SPTBN5: variants seen among roughly 807,000 people sequenced by gnomAD.
The protein encoded by SPTBN5 is spectrin beta, non-erythrocytic 5.
A neutral mutation model predicts 477.6 loss-of-function variants in SPTBN5; 513 were observed. That is an observed-to-expected ratio of 1.07 (90% CI 1.00 to 1.16). The LOEUF (loss-of-function observed/expected upper bound fraction) is 1.16. Among genes scored for constraint, SPTBN5 ranks in the 50% most tolerant of loss-of-function variants. SPTBN5 has a pLI of 0.00. For synonymous variants in SPTBN5, 2,169 were observed against 2,011.7 expected (o/e 1.08, Z -2.09); for missense variants, 5,062 against 4,731.8 (o/e 1.07, Z -2.05).
rs1292727112 is a variant in SPTBN5 at position 41,882,683 on chromosome 15, C to T, written c.1948G>A (p.Glu650Lys). The T allele has an allele frequency of 6.2e-7, 1 of 1,609,244 alleles. No individual in the cohort carries two copies. Residue 650 changes from glutamate (E) to lysine (K), a missense_variant, in exon 10 of 68, where the codon GAG becomes AAG. Coordinates refer to ENST00000320955, the MANE Select transcript of SPTBN5 (RefSeq NM_016642.4). ...CACTCCTTCAGCCAGGCTTCCTCCT[C>T]CTCACAGTTGCGCAGGAACTCTGCC... ...QRAEFLRNCE[E>K]EEAWLKECGQ...
In SPTBN5 at chr15:41,888,139, G is replaced by C. The variant is rs894258838; in HGVS notation, c.502-54C>G. ...TGCGGGGATGGGGTGGGGAGGCAGA[G>C]AGCCTGCAGGCTGTGGGAGAGGCAG... On this transcript the variant is annotated intron_variant, in intron 4 of 67. Coordinates refer to ENST00000320955, the MANE Select transcript of SPTBN5 (RefSeq NM_016642.4). The C allele has an allele frequency of 9.2e-6, 14 of 1,521,574 alleles. No individual in the cohort carries two copies. In the African/African-American group the frequency reaches 1.8e-4, roughly 19 times the overall value. The allele number at this position is 1,521,574 out of a possible 1,614,324, so 94.3% of individuals were successfully genotyped here.
rs749545320 is a variant in SPTBN5, at chr15:41,878,558, T to C, written c.3254A>G (p.Lys1085Arg). Residue 1085 changes from lysine to arginine, a missense_variant, in exon 17 of 68, where the codon AAG becomes AGG. By Grantham distance (26) the Lys-to-Arg change is conservative. Coordinates refer to ENST00000320955, the MANE Select transcript of SPTBN5 (RefSeq NM_016642.4). ...GQVETLQGLL[K>R]QVQEQVAQRA... ...TTGGGCCACTTGTTCCTGTACTTGC[T>C]TCAGCAGCCCCTGCAGTGTCTCCAC... 6.2e-7 allele frequency: 1 copy of C among 1,612,896 alleles called. No homozygotes were observed. The highest frequency in any genetic ancestry group is 2.2e-5 in the East Asian group (1 of 44,872).
rs1231191711 is a variant in SPTBN5, at chr15:41,878,420, G to A, written c.3392C>T (p.Ser1131Leu). Residue 1131 changes from serine (S) to leucine (L), a missense_variant, in exon 17 of 68, where the codon TCA becomes TTA. Coordinates refer to ENST00000320955, the MANE Select transcript of SPTBN5 (RefSeq NM_016642.4). ...VQAQLRSKEV[S>L]VDVASAQRLL... ...CCGCTGAGCCGAGGCCACATCCACT[G>A]ACACCTCCTTGCTGCGCAGCTGAGC... The A allele has an allele frequency of 2.5e-6, 4 of 1,613,776 alleles. No homozygotes were observed. The highest frequency in any genetic ancestry group is 3.4e-6 in the Non-Finnish European group (4 of 1,179,876).
chr15:41,852,432 C>T (rs1163384024), intron 61 of SPTBN5, 116 bp from the exon 62 acceptor site: 3 of 1,399,892 alleles, frequency 2.1e-6, no homozygotes, highest in Non-Finnish European at 2.9e-6. Context: ...CCTGCCTCCC[C>T]ATCACTAGCT....
At chr15:41,889,224 C>T (rs919766899) in intron 4 of SPTBN5, among the ~76,000 whole-genome samples, 1 of 152,168 alleles carries the variant, frequency 6.6e-6, no homozygotes, top group African/African-American at 2.4e-5. Flanking sequence ...AGATGCTCAG[C>T]CTGCAGACAC....
chr15:41,866,590 AG>A lies in SPTBN5; in HGVS notation c.6481-98del, dbSNP rs149617221. 2,307 of 1,358,680 alleles carry A rather than the reference AG, an allele frequency of 1.7e-3. 39 individuals carry two copies. The African/African-American group carries it at 0.031, about 18-fold the overall frequency. The allele number at this position is 1,358,680 out of a possible 1,614,324, so 84.2% of individuals were successfully genotyped here. ...CAGCCATTCCCAGGAGGCTGGCCTC[AG>A]GGGTGGGGCGGGCAGCACCTGGTAA... On this transcript the variant is annotated intron_variant, in intron 36 of 67. Coordinates refer to ENST00000320955, the MANE Select transcript of SPTBN5 (RefSeq NM_016642.4).
chr15:41,853,937 GT>G (rs1304898795), intron 57 of SPTBN5, 112 bp downstream of exon 57: 4 of 1,450,170 alleles, frequency 2.8e-6, no homozygotes, highest in African/African-American at 1.4e-5. Flanking sequence ...AAGGATCTGG[GT>G]TTCTGGAGAA....
chr15:41,873,757 G>T, intron 25 of SPTBN5, 88 bp downstream of exon 25: 3 of 1,554,914 alleles, frequency 1.9e-6, no homozygotes, highest in South Asian at 2.3e-5. Context: ...CCCCACCACT[G>T]ATCCGCCTCC....
chr15:41,864,058 C>T, intron 39 of SPTBN5, 34 bp from the exon 40 acceptor site: 1 of 1,559,116 alleles, frequency 6.4e-7, no homozygotes, highest in Non-Finnish European at 8.8e-7. Context: ...GCATTGGCAC[C>T]CCCCATGCAG....
chr15:41,874,218 T>C (rs2066640132), intron 24 of SPTBN5, 74 bp downstream of exon 24: 2 of 1,542,804 alleles, frequency 1.3e-6, no homozygotes, highest in Non-Finnish European at 1.8e-6. Flanking sequence ...CCAGGACACC[T>C]GAGTAGGGGC....
At position 41,861,752 on chromosome 15, in the gene SPTBN5, G is replaced by C; in HGVS notation, c.7720C>G (p.Gln2574Glu). 1 of 1,548,130 alleles carries C rather than the reference G, an allele frequency of 6.5e-7. No individual in the cohort carries two copies. Residue 2574 changes from glutamine to glutamate, a missense_variant, in exon 45 of 68, where the codon CAG (glutamine) becomes GAG (glutamate). Gln to Glu is a conservative substitution (Grantham distance 29). Coordinates refer to ENST00000320955, the MANE Select transcript of SPTBN5 (RefSeq NM_016642.4). Reference sequence around the variant, plus strand: ...GTGCCTGCCTGTAGCTCCAGGGCCTGCTGCAGCTGTAGCTGATGCTCCTGC... The same window carrying C: ...GTGCCTGCCTGTAGCTCCAGGGCCTCCTGCAGCTGTAGCTGATGCTCCTGC... Reference protein sequence around the residue: ...AWQEHQLQLQQALELQLFLSS... With the variant: ...AWQEHQLQLQEALELQLFLSS...
At chr15:41,884,142 C>T (rs938248334) in intron 7 of SPTBN5, among the ~76,000 whole-genome samples, 1 of 152,206 alleles carries the variant, frequency 6.6e-6, no homozygotes, top group African/African-American at 2.4e-5. Context: ...CCCGCCACCA[C>T]ACCTGGCTAA....
Position 41,857,656 on chromosome 15 carries a change from G to A in SPTBN5, c.8281C>T (p.Arg2761Ter), listed in dbSNP as rs200493398. ...GHPASEAIQE[R>*]LEELGALWGE... ...CAGAGTGCTCCCAGCTCCTCCAGTC[G>A]CTCCTGGATGGCCTCCGAGGCTGGG... Residue 2761 changes from arginine to a stop codon, truncating the protein, a stop_gained, in exon 50 of 68, where the codon CGA (arginine) becomes TGA (stop). Coordinates refer to ENST00000320955, the MANE Select transcript of SPTBN5 (RefSeq NM_016642.4). LOFTEE classifies it high-confidence loss of function. 135 of 1,592,426 alleles carry A rather than the reference G, an allele frequency of 8.5e-5. No homozygotes were observed. The East Asian group carries it at 1.1e-3, about 13-fold the overall frequency.
In SPTBN5 at chr15:41,862,853, C is replaced by A. The variant is rs1289326862; in HGVS notation, c.7200G>T (p.Gln2400His). ...LDCGKDLESV[Q>H]RLLRKHEELE... is the part of the protein sequence containing the mutation. ...GCTCCTCGTGTTTCCGCAGCAGCCTCTGCACGCTCTCCAGATCTTTCCCAC... is the reference window on the plus strand; with the variant it reads ...GCTCCTCGTGTTTCCGCAGCAGCCTATGCACGCTCTCCAGATCTTTCCCAC... Residue 2400 changes from glutamine (Q) to histidine (H), a missense_variant, in exon 42 of 68, where the codon CAG becomes CAT. By Grantham distance (24) the Gln-to-His change is conservative (BLOSUM62 0). Coordinates refer to ENST00000320955, the MANE Select transcript of SPTBN5 (RefSeq NM_016642.4). 1 of 1,591,250 alleles carries A rather than the reference C, an allele frequency of 6.3e-7. No homozygotes were observed. The highest frequency in any genetic ancestry group is 8.5e-7 in the Non-Finnish European group (1 of 1,169,622).
intron 26 of SPTBN5, among the ~76,000 whole-genome samples, chr15:41,873,142 A>T (rs1191803995): frequency 1.3e-5 from 2 of 152,196 alleles, no homozygotes; most frequent in Non-Finnish European, 2.9e-5. Flanking sequence ...CCTGGGAGGA[A>T]GACACCTGTG....
At position 41,876,300 on chromosome 15, in the gene SPTBN5, C is replaced by A; in HGVS notation, c.3952-16G>T. Reference sequence around the variant, plus strand: ...GCTTCCACTCCTGCCAAGAACCAGGCGAGAGTGGGTCTCAGAGCACGGTGG... The same window carrying A: ...GCTTCCACTCCTGCCAAGAACCAGGAGAGAGTGGGTCTCAGAGCACGGTGG... On this transcript the variant is annotated splice_polypyrimidine_tract_variant and intron_variant, in intron 20 of 67. Coordinates refer to ENST00000320955, the MANE Select transcript of SPTBN5 (RefSeq NM_016642.4). The A allele has an allele frequency of 6.5e-7, 1 of 1,537,226 alleles. No individual in the cohort carries two copies.
Position 41,851,070 on chromosome 15 carries a change from T to A in SPTBN5, c.10824A>T (p.Thr3608=). Residue 3608 remains threonine, a synonymous_variant, in exon 65 of 68, where the codon ACA becomes ACT. Coordinates refer to ENST00000320955, the MANE Select transcript of SPTBN5 (RefSeq NM_016642.4). ...RLRGRHGRKH[T]FSLRLTSGAE... ...GTCTCTCCGCTCACCTTAAGGAGAATGTGTGTTTCCTGCCGTGGCGGCCCC... is the reference window on the plus strand; with the variant it reads ...GTCTCTCCGCTCACCTTAAGGAGAAAGTGTGTTTCCTGCCGTGGCGGCCCC... 7 of 1,612,178 alleles carry A rather than the reference T, an allele frequency of 4.3e-6. No individual in the cohort carries two copies. Among genetic ancestry groups the A allele is most frequent in the Non-Finnish European group, 5.9e-6 (7 of 1,179,540 alleles).
Position 41,873,404 on chromosome 15 carries a change from T to C in SPTBN5, c.5007+88A>G, listed in dbSNP as rs1045749337. The C allele has an allele frequency of 3.5e-5, 35 of 998,196 alleles. No homozygotes were observed. The African/African-American group carries it at 4.2e-4, about 12-fold the overall frequency. 61.8% of individuals were successfully genotyped at this position (998,196 alleles called of 1,614,324 possible). On this transcript the variant is annotated intron_variant, in intron 26 of 67. Coordinates refer to ENST00000320955, the MANE Select transcript of SPTBN5 (RefSeq NM_016642.4). ...TCCAGGAAGCAAGAGCAGGGCTCCG[T>C]GCCTCTGAGAGAGGGAGGGTGACAG...
chr15:41,850,045 G>GAGGA, intron 66 of SPTBN5, 86 bp from the exon 67 acceptor site: 1 of 1,165,606 alleles, frequency 8.6e-7, no homozygotes, highest in Non-Finnish European at 1.3e-6. Flanking sequence ...CCAGCTTCTG[G>GAGGA]AGGCTCAGCA....
Sources: allele counts gnomAD v4.1 joint callset (sites outside exome capture counted in the v4.1 genomes callset), GRCh38; gene constraint gnomAD v4.1.1; transcripts MANE v1.5; gene names NCBI Gene and HGNC (gene_info 2026-07-23, HGNC 2026-07-21).